HS3ST4: variants seen among roughly 807,000 people sequenced by gnomAD.
HS3ST4 encodes heparan sulfate glucosamine 3-O-sulfotransferase 4.
In HS3ST4, 17 loss-of-function variants were observed where a neutral mutation model predicts 29.2. That is an observed-to-expected ratio of 0.58 (90% CI 0.40 to 0.87). HS3ST4 has a LOEUF of 0.87. HS3ST4 is among the 40% of genes least tolerant of loss of function. HS3ST4 has a pLI of 0.00. For missense variants in HS3ST4, 627 were observed against 634.5 expected (o/e 0.99, Z 0.13); for synonymous variants, 314 against 285.7 (o/e 1.10, Z -1.00).
intron 1 of HS3ST4, among the ~76,000 whole-genome samples, chr16:26,074,318 G>A (rs1245836164): frequency 6.6e-6 from 1 of 152,098 alleles, no homozygotes; most frequent in African/African-American, 2.4e-5. Flanking sequence ...TCTTACGGCT[G>A]GAAAAGCTTA....
At chr16:25,741,829 A>G (rs1188867427) in intron 1 of HS3ST4, among the ~76,000 whole-genome samples, 1 of 152,172 alleles carries the variant, frequency 6.6e-6, no homozygotes, top group African/African-American at 2.4e-5. Flanking sequence ...GGATGGAGTC[A>G]CTTGCCCAAG....
chr16:25,742,500 G>A (rs992451965), intron 1 of HS3ST4, among the ~76,000 whole-genome samples: 1 of 152,198 alleles, frequency 6.6e-6, no homozygotes, highest in Non-Finnish European at 1.5e-5. Context: ...TAATGCCAGG[G>A]TAAATACAGG....
At chr16:26,107,768 A>G (rs1254562511) in intron 1 of HS3ST4, among the ~76,000 whole-genome samples, 1 of 152,182 alleles carries the variant, frequency 6.6e-6, no homozygotes, top group Non-Finnish European at 1.5e-5. Context: ...TATAGGTACC[A>G]CATTTTCTTT....
At chr16:25,804,338 C>T (rs1267195341) in intron 1 of HS3ST4, among the ~76,000 whole-genome samples, 1 of 152,140 alleles carries the variant, frequency 6.6e-6, no homozygotes, top group Non-Finnish European at 1.5e-5. Context: ...ATTTGTTTTG[C>T]TCAACGAGGT....
chr16:26,130,740 C>G (rs1567319198), intron 1 of HS3ST4, among the ~76,000 whole-genome samples: 1 of 152,206 alleles, frequency 6.6e-6, no homozygotes, highest in Non-Finnish European at 1.5e-5. Context: ...CCAGCATAGG[C>G]AGAGGACAGT....
At chr16:26,004,029 A>C (rs762632889) in intron 1 of HS3ST4, among the ~76,000 whole-genome samples, 2 of 151,716 alleles carry the variant, frequency 1.3e-5, no homozygotes, top group Non-Finnish European at 2.9e-5. Context: ...TCCCCTCTCT[A>C]CTTCTGTTTG....
intron 1 of HS3ST4, among the ~76,000 whole-genome samples, chr16:25,772,834 A>G (rs1276477532): frequency 6.6e-6 from 1 of 152,202 alleles, no homozygotes; most frequent in East Asian, 1.9e-4. Flanking sequence ...GTCTAATGCA[A>G]GCCTGGGAAT....
chr16:25,788,540 C>CTTTTTTTTTTTTTTT, intron 1 of HS3ST4, among the ~76,000 whole-genome samples: 1 of 99,070 alleles, frequency 1.0e-5, no homozygotes, highest in Non-Finnish European at 1.9e-5. Context: ...TTCTTTTCTT[C>CTTTTTTTTTTTTTTT]TTTCTTTTTT....
rs146626577 is a variant in HS3ST4, at chr16:25,882,169, G to A, written c.734+189018G>A. On this transcript the variant is annotated intron_variant, in intron 1 of 1. Coordinates refer to ENST00000331351, the MANE Select transcript of HS3ST4 (RefSeq NM_006040.3). ...TGCCTTCTCTTTCATGTGCTACAGAGTCCAGAGGGCAACCCAGGATGAACA... is the reference window on the plus strand; with the variant it reads ...TGCCTTCTCTTTCATGTGCTACAGAATCCAGAGGGCAACCCAGGATGAACA... 1.9e-3 allele frequency among the ~76,000 whole-genome samples: 284 copies of A among 152,310 alleles called. 1 individual carries two copies. In the South Asian group the frequency reaches 0.021, roughly 11 times the overall value.
intron 1 of HS3ST4, among the ~76,000 whole-genome samples, chr16:25,827,139 A>G (rs80005073): frequency 0.085 from 12,915 of 152,264 alleles, 688 homozygotes; most frequent in African/African-American, 0.15. Flanking sequence ...CACTAGGACC[A>G]ATAATCAGAA....
intron 1 of HS3ST4, among the ~76,000 whole-genome samples, chr16:25,810,402 C>T (rs907021856): frequency 6.6e-6 from 1 of 151,882 alleles, no homozygotes; most frequent in Non-Finnish European, 1.5e-5. Context: ...AATGAATATC[C>T]TATGGTGGTT....
rs147567875 is a variant in HS3ST4, at chr16:25,925,566, G to A, written c.735-210046G>A. ...ATTAAGCAGAGAAACCTCTTGTGTC[G>A]TCTCAGCAAAGAAGCTGCAAATCCC... On this transcript the variant is annotated intron_variant, in intron 1 of 1. Transcript: ENST00000331351. 4.6e-3 allele frequency among the ~76,000 whole-genome samples: 693 copies of A among 152,246 alleles called. 8 individuals are homozygous for A. Among genetic ancestry groups the A allele is most frequent in the East Asian group, 0.034 (177 of 5,182 alleles).
At chr16:25,918,096 T>C (rs1446208822) in intron 1 of HS3ST4, among the ~76,000 whole-genome samples, 1 of 152,202 alleles carries the variant, frequency 6.6e-6, no homozygotes, top group South Asian at 2.1e-4. Flanking sequence ...AGACATATAA[T>C]AATAACAATT....
intron 1 of HS3ST4, among the ~76,000 whole-genome samples, chr16:26,031,762 A>G (rs993125085): frequency 7.9e-5 from 12 of 151,924 alleles, no homozygotes; most frequent in African/African-American, 2.2e-4. Flanking sequence ...ACTTTCCATA[A>G]ACAATCATGG....
At position 25,731,890 on chromosome 16, in the gene HS3ST4, G is replaced by T. The variant is rs138233968; in HGVS notation, c.734+38739G>T. ...AAGACTTGCTTGAGACTAATAGAAA[G>T]ATTTGCTTTTCTCTCTTTGCTACCC... On this transcript the variant is annotated intron_variant, in intron 1 of 1. Transcript: ENST00000331351. Among the ~76,000 whole-genome samples, 1,399 of 152,294 alleles carry T rather than the reference G, an allele frequency of 9.2e-3. 69 individuals carry two copies. The highest frequency in any genetic ancestry group is 0.07 in the Admixed American group (1,065 of 15,296).
At chr16:25,730,287 C>T (rs192638903) in intron 1 of HS3ST4, among the ~76,000 whole-genome samples, 7 of 152,114 alleles carry the variant, frequency 4.6e-5, no homozygotes, top group African/African-American at 1.4e-4. Context: ...AAAGTTGGTA[C>T]TAGAACAGCT....
chr16:25,826,820 A>G (rs974524679), intron 1 of HS3ST4, among the ~76,000 whole-genome samples: 3 of 152,124 alleles, frequency 2.0e-5, no homozygotes, highest in African/African-American at 7.2e-5. Context: ...TATAATTTCC[A>G]TGAGTGGGTT....
chr16:25,763,270 C>T (rs1233543077), intron 1 of HS3ST4, among the ~76,000 whole-genome samples: 1 of 152,114 alleles, frequency 6.6e-6, no homozygotes, highest in African/African-American at 2.4e-5. Flanking sequence ...CTTTTGATTT[C>T]AATGGCTGTT....
intron 1 of HS3ST4, among the ~76,000 whole-genome samples, chr16:25,762,901 A>G (rs1596563715): frequency 6.8e-6 from 1 of 146,702 alleles, no homozygotes; most frequent in Admixed American, 6.8e-5. Context: ...AAAAAAAAAG[A>G]AAAAAGAAAG....
Sources: allele counts gnomAD v4.1 joint callset (sites outside exome capture counted in the v4.1 genomes callset), GRCh38; gene constraint gnomAD v4.1.1; transcripts MANE v1.5; gene names NCBI Gene and HGNC (gene_info 2026-07-23, HGNC 2026-07-21).